Variants in ADAM22 observed in about 807,000 individuals in gnomAD.
The protein encoded by ADAM22 is ADAM metallopeptidase domain 22, also known as disintegrin and metalloproteinase domain-containing protein 22.
A neutral mutation model predicts 144.6 loss-of-function variants in ADAM22; 65 were observed. That is an observed-to-expected ratio of 0.45 (90% CI 0.37 to 0.55). The LOEUF is 0.55. Ranked by LOEUF, ADAM22 falls within the 20% of genes least tolerant of loss-of-function variation. The pLI is 0.00. For synonymous variants in ADAM22, 391 were observed against 412.6 expected, an observed-to-expected ratio of 0.95 and a Z score of 0.63; for missense variants, 974 against 1,184.9, an observed-to-expected ratio of 0.82 and a Z score of 2.61.
chr7:87,956,697 A>G (rs1846854377), intron 2 of ADAM22, among the ~76,000 whole-genome samples: 1 of 152,180 alleles, frequency 6.6e-6, no homozygotes, highest in Non-Finnish European at 1.5e-5. Context: ...GGAATCGTAC[A>G]CTATCCAGTC....
intron 3 of ADAM22, among the ~76,000 whole-genome samples, chr7:88,039,464 A>AATATATATATATAT (rs1554420479): frequency 1.0e-4 from 8 of 76,370 alleles, no homozygotes; most frequent in East Asian, 5.3e-4. Context: ...AAAAAAAAAA[A>AATATATATATATAT]ATATATATAT....
intron 3 of ADAM22, among the ~76,000 whole-genome samples, chr7:87,981,407 T>C (rs1254002001): frequency 6.6e-6 from 1 of 152,210 alleles, no homozygotes; most frequent in African/African-American, 2.4e-5. Flanking sequence ...GAAATGGTTT[T>C]TCTCACTGTA....
chr7:87,988,884 G>A (rs1357744984), intron 3 of ADAM22, among the ~76,000 whole-genome samples: 2 of 152,122 alleles, frequency 1.3e-5, no homozygotes, highest in African/African-American at 4.8e-5. Context: ...GTCTTAGTCT[G>A]GAGAAGTAGC....
intron 3 of ADAM22, among the ~76,000 whole-genome samples, chr7:87,986,458 C>T (rs1374716856): frequency 6.6e-6 from 1 of 152,030 alleles, no homozygotes; most frequent in Non-Finnish European, 1.5e-5. Flanking sequence ...AGGAAGAGAC[C>T]AGTACTAAAG....
At chr7:87,942,759 C>T (rs1842719879) in intron 2 of ADAM22, among the ~76,000 whole-genome samples, 2 of 152,154 alleles carry the variant, frequency 1.3e-5, no homozygotes, top group South Asian at 2.1e-4. Flanking sequence ...CTCTGTTACA[C>T]TCGTTCATCG....
chr7:88,098,641 A>G (rs1161424195), intron 4 of ADAM22, among the ~76,000 whole-genome samples: 1 of 152,118 alleles, frequency 6.6e-6, no homozygotes, highest in Non-Finnish European at 1.5e-5. Context: ...GGTGTTCACC[A>G]TCTTTTAATA....
Position 88,064,357 on chromosome 7 carries a change from A to C in ADAM22, c.324-11269A>C, listed in dbSNP as rs375512088. 5.3e-5 allele frequency among the ~76,000 whole-genome samples: 8 copies of C among 152,272 alleles called. No homozygotes were observed. The South Asian group carries it at 1.7e-3, about 32-fold the overall frequency. On this transcript the variant is annotated intron_variant, in intron 3 of 31. Transcript: ENST00000413139. Reference sequence around the variant, plus strand: ...TATCTGAATTTGAATGCTGTCTATAACACTTAGTACTACTAACCGCATACC... The same window carrying C: ...TATCTGAATTTGAATGCTGTCTATACCACTTAGTACTACTAACCGCATACC...
At chr7:88,093,506 T>TTTTTG (rs1467931493) in intron 4 of ADAM22, among the ~76,000 whole-genome samples, 4 of 152,018 alleles carry the variant, frequency 2.6e-5, no homozygotes, top group African/African-American at 7.2e-5. Context: ...CATTTGATGT[T>TTTTTG]TTTTGTTTTG....
intron 3 of ADAM22, among the ~76,000 whole-genome samples, chr7:88,037,484 T>G (rs1219180416): frequency 6.6e-6 from 1 of 152,154 alleles, no homozygotes; most frequent in African/African-American, 2.4e-5. Flanking sequence ...AGGACATATA[T>G]TGATTTTTTC....
intron 31 of ADAM22, 50 bp downstream of exon 31, chr7:88,193,289 A>G: frequency 6.3e-7 from 1 of 1,578,882 alleles, no homozygotes; most frequent in Non-Finnish European, 8.6e-7. Context: ...ATTATCATTT[A>G]TCTATGAGTT....
chr7:88,162,097 T>TACACACACACACACAC (rs61053925), intron 22 of ADAM22, among the ~76,000 whole-genome samples: 3,767 of 136,718 alleles, frequency 0.028, 97 homozygotes, highest in East Asian at 0.069. Context: ...AAATGTGTAA[T>TACACACACACACACAC]ACACACACAC....
intron 7 of ADAM22, among the ~76,000 whole-genome samples, chr7:88,121,486 G>T (rs1470021578): frequency 6.6e-6 from 1 of 152,092 alleles, no homozygotes; most frequent in Non-Finnish European, 1.5e-5. Flanking sequence ...CAGGAACCTG[G>T]GTGTGGTTTA....
chr7:87,943,448 A>G (rs896744014), intron 2 of ADAM22, among the ~76,000 whole-genome samples: 1 of 151,994 alleles, frequency 6.6e-6, no homozygotes, highest in African/African-American at 2.4e-5. Context: ...ACCTAACGTT[A>G]TTTCTTGGTC....
chr7:88,174,243 A>G (rs1163646504), intron 26 of ADAM22, among the ~76,000 whole-genome samples: 2 of 152,126 alleles, frequency 1.3e-5, no homozygotes, highest in Non-Finnish European at 2.9e-5. Flanking sequence ...AGTTTGACAA[A>G]CAGATGTGAA....
chr7:88,037,095 A>T (rs997371526), intron 3 of ADAM22, among the ~76,000 whole-genome samples: 1 of 152,064 alleles, frequency 6.6e-6, no homozygotes, highest in Non-Finnish European at 1.5e-5. Context: ...TCAGTCTTGA[A>T]CTCTATAAAT....
intron 2 of ADAM22, among the ~76,000 whole-genome samples, chr7:87,961,857 G>A (rs989623053): frequency 2.0e-5 from 3 of 152,174 alleles, no homozygotes; most frequent in African/African-American, 7.2e-5. Context: ...GGGGGTTGAG[G>A]AACTGTCTCA....
chr7:88,015,263 A>T (rs949354001), intron 3 of ADAM22, among the ~76,000 whole-genome samples: 1 of 152,246 alleles, frequency 6.6e-6, no homozygotes, highest in Admixed American at 6.5e-5. Context: ...AGAGCACTTA[A>T]TAAATATTAA....
At chr7:88,129,667 A>G (rs1831274492) in intron 9 of ADAM22, among the ~76,000 whole-genome samples, 2 of 152,100 alleles carry the variant, frequency 1.3e-5, no homozygotes, top group Admixed American at 1.3e-4. Flanking sequence ...ACATCAGTAG[A>G]CATATAACGT....
rs570227336 is a variant in ADAM22, at chr7:87,966,499, G to T, written c.247-11837G>T. 2.0e-4 allele frequency among the ~76,000 whole-genome samples: 30 copies of T among 152,248 alleles called. No individual in the cohort carries two copies. The South Asian group carries it at 6.0e-3, about 31-fold the overall frequency. ...GATAGCTGAAGCATAAATAGGTAAT[G>T]AGGCTGCCTGACTTCCTGAATGGAG... On this transcript the variant is annotated intron_variant, in intron 2 of 31. Transcript: ENST00000413139.
Sources: allele counts gnomAD v4.1 joint callset (sites outside exome capture counted in the v4.1 genomes callset), GRCh38; gene constraint gnomAD v4.1.1; transcripts MANE v1.5; gene names NCBI Gene and HGNC (gene_info 2026-07-23, HGNC 2026-07-21).